CALCOCO1: variants seen among roughly 807,000 people sequenced by gnomAD.
The protein encoded by CALCOCO1 is calcium-binding and coiled-coil domain-containing protein 1.
Under a neutral mutation model 86.3 loss-of-function variants are expected in CALCOCO1, and 44 were observed. The observed-to-expected ratio is 0.51, with a 90% confidence interval of 0.40 to 0.66. CALCOCO1 has a LOEUF of 0.66. Ranked by LOEUF, CALCOCO1 falls within the 30% of genes least tolerant of loss-of-function variation. The pLI is 0.00. For missense variants in CALCOCO1, 708 were observed against 851.1 expected (o/e 0.83, Z 2.09); for synonymous variants, 297 against 327.6 (o/e 0.91, Z 1.01).
At chr12:53,719,438 G>C (rs7302258) in intron 7 of CALCOCO1, among the ~76,000 whole-genome samples, 1 of 151,842 alleles carries the variant, frequency 6.6e-6, no homozygotes, top group Non-Finnish European at 1.5e-5. Flanking sequence ...AGACGTGAGA[G>C]TTGCTTGAAC....
Position 53,709,050 on chromosome 12 carries a change from T to A in CALCOCO1, c.*2894A>T, listed in dbSNP as rs1293691513. On this transcript the variant is annotated 3_prime_UTR_variant, in exon 15 of 15. Coordinates refer to ENST00000550804, the MANE Select transcript of CALCOCO1 (RefSeq NM_020898.3). ...TGAGGTTCGATAAGTGGGGGAGTGG[T>A]GTGTTTGGATTCGTTCTTTCACCAC... 1 of 152,094 alleles carries A rather than the reference T, an allele frequency of 6.6e-6. No homozygotes were observed. The highest frequency in any genetic ancestry group is 1.5e-5 in the Non-Finnish European group (1 of 68,030). The allele number at this position is 152,094 out of a possible 1,614,324, so 9.4% of individuals were successfully genotyped here. A position where few individuals can be genotyped will look rare whatever the true frequency, so the allele number is the denominator to read the frequency against.
intron 4 of CALCOCO1, among the ~76,000 whole-genome samples, chr12:53,722,457 T>A (rs1335117019): frequency 6.6e-6 from 1 of 152,192 alleles, no homozygotes; most frequent in African/African-American, 2.4e-5. Flanking sequence ...GAATCCCTCA[T>A]GTGGCACAAG....
In CALCOCO1 at chr12:53,710,999, T is replaced by C. The variant is rs1463687926; in HGVS notation, c.*945A>G. The C allele has an allele frequency of 1.4e-5, 5 of 348,506 alleles. No homozygotes were observed. Among genetic ancestry groups the C allele is most frequent in the Non-Finnish European group, 2.6e-5 (5 of 195,090 alleles). 21.6% of individuals were successfully genotyped at this position (348,506 alleles called of 1,614,324 possible). A position where few individuals can be genotyped will look rare whatever the true frequency, so the allele number is the denominator to read the frequency against. Reference sequence around the variant, plus strand: ...AGTAACTGCCCAGCATCCCCTGCCATGAGGCAGGGATGCGTCCCCTCTTTC... The same window carrying C: ...AGTAACTGCCCAGCATCCCCTGCCACGAGGCAGGGATGCGTCCCCTCTTTC... On this transcript the variant is annotated 3_prime_UTR_variant, in exon 15 of 15. Coordinates refer to ENST00000550804, the MANE Select transcript of CALCOCO1 (RefSeq NM_020898.3).
chr12:53,714,449 C>T, intron 11 of CALCOCO1, 149 bp downstream of exon 11: 2 of 685,510 alleles, frequency 2.9e-6, no homozygotes, highest in South Asian at 1.8e-5. Flanking sequence ...CATCCGCTGT[C>T]CTGCCAAATC....
Position 53,710,401 on chromosome 12 carries a change from G to C in CALCOCO1, c.*1543C>G, listed in dbSNP as rs1346227662. The C allele has an allele frequency of 6.6e-6, 1 of 152,650 alleles. No individual in the cohort carries two copies. The highest frequency in any genetic ancestry group is 1.5e-5 in the Non-Finnish European group (1 of 68,210). The allele number at this position is 152,650 out of a possible 1,614,324, so 9.5% of individuals were successfully genotyped here. On this transcript the variant is annotated 3_prime_UTR_variant, in exon 15 of 15. Transcript: ENST00000550804. ...TCCACACAGGGGCCCTGAAGGGAGA[G>C]GAGGGCAGCTGAGAAGGGAGCTATT...
intron 14 of CALCOCO1, 110 bp from the exon 15 acceptor site, chr12:53,712,231 G>T: frequency 2.3e-6 from 2 of 882,030 alleles, no homozygotes; most frequent in Non-Finnish European, 3.5e-6. Flanking sequence ...GTTATCCTGT[G>T]CCTAATGCAG....
chr12:53,713,040 A>G (rs1039682884), intron 14 of CALCOCO1, 60 bp downstream of exon 14: 4 of 1,477,534 alleles, frequency 2.7e-6, no homozygotes, highest in Non-Finnish European at 3.8e-6. Flanking sequence ...CTGTCCACAC[A>G]GATGCCCTTT....
rs1247907198 is a variant in CALCOCO1, at chr12:53,711,359, G to C, written c.*585C>G. ...AAAATACAAAAAACCCCTCCAAACTGAATACCTAAGGTTATGGAAAAGGCT... is the reference window on the plus strand; with the variant it reads ...AAAATACAAAAAACCCCTCCAAACTCAATACCTAAGGTTATGGAAAAGGCT... On this transcript the variant is annotated 3_prime_UTR_variant, in exon 15 of 15. Transcript: ENST00000550804. 1 of 392,136 alleles carries C rather than the reference G, an allele frequency of 2.6e-6. No homozygotes were observed. The highest frequency in any genetic ancestry group is 4.5e-6 in the Non-Finnish European group (1 of 222,296). The allele number at this position is 392,136 out of a possible 1,614,324, so 24.3% of individuals were successfully genotyped here.
In CALCOCO1 at chr12:53,712,018, C is replaced by T; in HGVS notation, c.2002G>A (p.Asp668Asn). ...ATGTGGTCCTCCAGGGCATCCTTGT[C>T]ACTCTCAGCAGGAAAGCGCTCCTTA... ...ICKERFPAES[D>N]KDALEDHMDG... is the part of the protein sequence containing the mutation. Residue 668 changes from aspartate (D) to asparagine (N), a missense_variant, in exon 15 of 15, where the codon GAC (aspartate) becomes AAC (asparagine). Coordinates refer to ENST00000550804, the MANE Select transcript of CALCOCO1 (RefSeq NM_020898.3). The T allele has an allele frequency of 6.2e-7, 1 of 1,610,740 alleles. No individual in the cohort carries two copies. The highest frequency in any genetic ancestry group is 8.5e-7 in the Non-Finnish European group (1 of 1,178,580).
In CALCOCO1 at chr12:53,708,787, T is replaced by C. The variant is rs1463474593; in HGVS notation, c.*3157A>G. 4 of 152,210 alleles carry C rather than the reference T, an allele frequency of 2.6e-5. No homozygotes were observed. The highest frequency in any genetic ancestry group is 5.9e-5 in the Non-Finnish European group (4 of 68,026). 9.4% of individuals were successfully genotyped at this position (152,210 alleles called of 1,614,324 possible). On this transcript the variant is annotated 3_prime_UTR_variant, in exon 15 of 15. Coordinates refer to ENST00000550804, the MANE Select transcript of CALCOCO1 (RefSeq NM_020898.3). ...CATGTAGCATCTTTTTATAAAGTGC[T>C]CTACGTGGTATGTCAAAGGATAACT...
At position 53,710,268 on chromosome 12, in the gene CALCOCO1, G is replaced by A. The variant is rs80072114; in HGVS notation, c.*1676C>T. 8,811 of 152,216 alleles carry A rather than the reference G, an allele frequency of 0.058. 342 individuals are homozygous for A. The highest frequency in any genetic ancestry group is 0.085 in the Non-Finnish European group (5,748 of 68,006). 9.4% of individuals were successfully genotyped at this position (152,216 alleles called of 1,614,324 possible). On this transcript the variant is annotated 3_prime_UTR_variant, in exon 15 of 15. Transcript: ENST00000550804. ...GAACGGGATGGGGTTGCTAGGAGAC[G>A]GAGACGTGAGGGAAGAAGGAACGAT...
intron 7 of CALCOCO1, among the ~76,000 whole-genome samples, chr12:53,716,781 C>T (rs139547917): frequency 2.1e-4 from 32 of 152,294 alleles, no homozygotes; most frequent in African/African-American, 5.3e-4. Context: ...CTCTTATTTC[C>T]GTCCAGGGTA....
rs372184918 is a variant in CALCOCO1, at chr12:53,712,790, G to T, written c.1898+310C>A. The T allele has an allele frequency of 3.3e-5, 45 of 1,363,030 alleles. No individual in the cohort carries two copies. The African/African-American group carries it at 6.0e-4, about 18-fold the overall frequency. The allele number at this position is 1,363,030 out of a possible 1,614,324, so 84.4% of individuals were successfully genotyped here. Reference sequence around the variant, plus strand: ...AGGTACCTACCTGGTGGTTGGGGAAGGGGTAGAGGCAGGAGAGAGGGGAAG... The same window carrying T: ...AGGTACCTACCTGGTGGTTGGGGAATGGGTAGAGGCAGGAGAGAGGGGAAG... On this transcript the variant is annotated intron_variant, in intron 14 of 14. Coordinates refer to ENST00000550804, the MANE Select transcript of CALCOCO1 (RefSeq NM_020898.3).
In CALCOCO1 at chr12:53,721,554, C is replaced by T. The variant is rs754537685; in HGVS notation, c.671G>A (p.Gly224Glu). 3 of 1,613,840 alleles carry T rather than the reference C, an allele frequency of 1.9e-6. No individual in the cohort carries two copies. Among genetic ancestry groups the T allele is most frequent in the Middle Eastern group, 1.7e-4 (1 of 6,058 alleles). ...EERDILSRQQ[G>E]DHVARILELE... Reference sequence around the variant, plus strand: ...CTCCAGGATGCGTGCCACATGGTCTCCCTGTTGCCGGCTCAGGATGTCCCT... The same window carrying T: ...CTCCAGGATGCGTGCCACATGGTCTTCCTGTTGCCGGCTCAGGATGTCCCT... Residue 224 changes from glycine (G) to glutamate (E), a missense_variant, in exon 6 of 15, where the codon GGA (glycine) becomes GAA (glutamate). Transcript: ENST00000550804.
chr12:53,722,183 T>A lies in CALCOCO1; in HGVS notation c.451A>T (p.Asn151Tyr). The A allele has an allele frequency of 6.2e-7, 1 of 1,612,800 alleles. No individual in the cohort carries two copies. Residue 151 changes from asparagine to tyrosine, a missense_variant and splice_region_variant, in exon 5 of 15, where the codon AAC (asparagine) becomes TAC (tyrosine). Transcript: ENST00000550804. Reference sequence around the variant, plus strand: ...TCTTGCTGGCTCTCATCGAGCTGGTTCTACAGGCAGCAGAAGGAGAAGGGG... The same window carrying A: ...TCTTGCTGGCTCTCATCGAGCTGGTACTACAGGCAGCAGAAGGAGAAGGGG... ...LVVPKATVLQNQLDESQQERN... is the reference protein window; with the variant it reads ...LVVPKATVLQYQLDESQQERN...
Position 53,715,316 on chromosome 12 carries a change from CCTT to C in CALCOCO1, c.1267_1269del (p.Lys423del). 1 of 1,614,132 alleles carries C rather than the reference CCTT, an allele frequency of 6.2e-7. No homozygotes were observed. The highest frequency in any genetic ancestry group is 8.5e-7 in the Non-Finnish European group (1 of 1,180,024). On this transcript the variant is annotated inframe_deletion, in exon 10 of 15. Coordinates refer to ENST00000550804, the MANE Select transcript of CALCOCO1 (RefSeq NM_020898.3). ...TCTGCACTCAGCTTCAGGATCTTGT[CCTT>C]CTCTGCCTGAGAGATAGCCAAGAAG...
rs576351251 is a variant in CALCOCO1 at position 53,718,683 on chromosome 12, C to CA, written c.849+1055dup. The stretch of plus-strand genomic sequence containing the variant: ...AGCTGGGACTACAGGTGCATGCCAC[C>CA]ATGCCTGGCTAATTTTTAAAATTTT... On this transcript the variant is annotated intron_variant, in intron 7 of 14. Transcript: ENST00000550804. 3.9e-5 allele frequency among the ~76,000 whole-genome samples: 6 copies of CA among 152,226 alleles called. No homozygotes were observed. In the East Asian group the frequency reaches 1.2e-3, roughly 29 times the overall value.
intron 7 of CALCOCO1, among the ~76,000 whole-genome samples, chr12:53,717,347 G>A (rs576299828): frequency 5.8e-4 from 89 of 152,306 alleles, no homozygotes; most frequent in Admixed American, 1.2e-3. Context: ...GATTACAGGC[G>A]TGGGCCACTA....
At chr12:53,719,324 G>A (rs531700688) in intron 7 of CALCOCO1, among the ~76,000 whole-genome samples, 2 of 151,146 alleles carry the variant, frequency 1.3e-5, no homozygotes, top group Non-Finnish European at 3.0e-5. Context: ...TCAAGAGTTC[G>A]AGACCAGCCT....
Sources: allele counts gnomAD v4.1 joint callset (sites outside exome capture counted in the v4.1 genomes callset), GRCh38; gene constraint gnomAD v4.1.1; transcripts MANE v1.5; gene names NCBI Gene and HGNC (gene_info 2026-07-23, HGNC 2026-07-21).